PAX5: variants seen among roughly 807,000 people sequenced by gnomAD.
The protein encoded by PAX5 is paired box protein Pax-5.
A neutral mutation model predicts 43.7 loss-of-function variants in PAX5; 9 were observed. The observed-to-expected ratio is 0.21, with a 90% confidence interval of 0.12 to 0.36. PAX5 has a LOEUF of 0.36. Among genes scored for constraint, PAX5 ranks in the 10% least tolerant of loss-of-function variants. PAX5 has a pLI of 1.00. For synonymous variants in PAX5, 228 were observed against 214.3 expected, an observed-to-expected ratio of 1.06 and a Z score of -0.56; for missense variants, 383 against 532.7, an observed-to-expected ratio of 0.72 and a Z score of 2.77.
At chr9:36,994,641 G>C (rs532066979) in intron 5 of PAX5, among the ~76,000 whole-genome samples, 1 of 152,314 alleles carries the variant, frequency 6.6e-6, no homozygotes, top group African/African-American at 2.4e-5. Context: ...TTCAGGCCAA[G>C]GAAAACAGAG....
chr9:37,008,044 T>G (rs9408284), intron 3 of PAX5: 97,654 of 151,904 alleles, frequency 0.64, 31,803 homozygotes, highest in Middle Eastern at 0.84. Flanking sequence ...CATGCCCAGT[T>G]TTTTTGTTTT....
intron 6 of PAX5, among the ~76,000 whole-genome samples, chr9:36,964,935 A>G (rs994926485): frequency 3.3e-5 from 5 of 152,012 alleles, no homozygotes; most frequent in Non-Finnish European, 5.9e-5. Flanking sequence ...CCCCAGCATC[A>G]TCGCCCGCCC....
intron 6 of PAX5, among the ~76,000 whole-genome samples, chr9:36,951,940 C>T (rs1276349300): frequency 1.3e-5 from 2 of 152,170 alleles, no homozygotes; most frequent in Admixed American, 1.3e-4. Context: ...TATCTATCTT[C>T]CTCCTATGAA....
chr9:36,849,968 C>T (rs1822991142), intron 8 of PAX5, among the ~76,000 whole-genome samples: 1 of 151,502 alleles, frequency 6.6e-6, no homozygotes, highest in African/African-American at 2.4e-5. Flanking sequence ...CCATGAGATC[C>T]GGAGAAGCTA....
intron 5 of PAX5, among the ~76,000 whole-genome samples, chr9:36,988,300 C>A (rs1481136753): frequency 6.6e-6 from 1 of 152,062 alleles, no homozygotes; most frequent in Admixed American, 6.5e-5. Context: ...AGCATGAATT[C>A]CAGTTGGTAT....
intron 8 of PAX5, among the ~76,000 whole-genome samples, chr9:36,873,229 A>G (rs1022159483): frequency 5.9e-5 from 9 of 152,248 alleles, no homozygotes; most frequent in Admixed American, 3.9e-4. Flanking sequence ...TCTTAACATT[A>G]GCACATCAGG....
intron 5 of PAX5, among the ~76,000 whole-genome samples, chr9:36,968,845 G>T (rs999576360): frequency 6.6e-6 from 1 of 152,158 alleles, no homozygotes; most frequent in Admixed American, 6.5e-5. Context: ...CAGTCTATCT[G>T]CCCAGCAGTG....
In PAX5 at chr9:36,838,846, G is replaced by T. The variant is rs1821827567; in HGVS notation, c.*1714C>A. The T allele has an allele frequency of 4.3e-6, 1 of 233,332 alleles. No homozygotes were observed. The highest frequency in any genetic ancestry group is 8.5e-6 in the Non-Finnish European group (1 of 118,078). The allele number at this position is 233,332 out of a possible 1,614,324, so 14.5% of individuals were successfully genotyped here. A position where few individuals can be genotyped will look rare whatever the true frequency, so the allele number is the denominator to read the frequency against. ...CAGCCAAGGCTCAAAGAGGTGCAGG[G>T]TTTTGTCTGAGGTCCCACAGCAAAG... On this transcript the variant is annotated 3_prime_UTR_variant, in exon 10 of 10. Transcript: ENST00000358127.
chr9:36,993,795 T>A (rs1837132390), intron 5 of PAX5, among the ~76,000 whole-genome samples: 1 of 151,848 alleles, frequency 6.6e-6, no homozygotes, highest in Non-Finnish European at 1.5e-5. Context: ...TCCCCCTCCA[T>A]CGGCCCCACC....
At chr9:36,918,034 T>C (rs1288919628) in intron 7 of PAX5, among the ~76,000 whole-genome samples, 2 of 152,214 alleles carry the variant, frequency 1.3e-5, no homozygotes, top group Non-Finnish European at 2.9e-5. Context: ...GGCTGTTCCC[T>C]CATCTCTCTT....
intron 1 of PAX5, among the ~76,000 whole-genome samples, chr9:37,025,222 C>A (rs1439782913): frequency 6.6e-6 from 1 of 152,202 alleles, no homozygotes; most frequent in Non-Finnish European, 1.5e-5. Flanking sequence ...AGAAAATTGA[C>A]ACAAAGAGAA....
At position 36,891,390 on chromosome 9, in the gene PAX5, C is replaced by T. The variant is rs762024393; in HGVS notation, c.911-9285G>A. Among the ~76,000 whole-genome samples the T allele has an allele frequency of 6.6e-5, 10 of 152,224 alleles. No individual in the cohort carries two copies. In the East Asian group the frequency reaches 1.7e-3, roughly 26 times the overall value. ...CGTGGGGCGGGGATTCATCCTGCTA[C>T]GCACACGTCGGTGCGTGTGTACACG... On this transcript the variant is annotated intron_variant, in intron 7 of 9. Coordinates refer to ENST00000358127, the MANE Select transcript of PAX5 (RefSeq NM_016734.3).
At chr9:36,948,800 C>A (rs544492438) in intron 6 of PAX5, among the ~76,000 whole-genome samples, 1 of 151,930 alleles carries the variant, frequency 6.6e-6, no homozygotes, top group Non-Finnish European at 1.5e-5. Flanking sequence ...TGTCTCCCTG[C>A]GCAAACTCCC....
At position 36,837,798 on chromosome 9, in the gene PAX5, G is replaced by A; in HGVS notation, c.*2762C>T. 4.3e-6 allele frequency: 1 copy of A among 233,486 alleles called. No individual in the cohort carries two copies. Among genetic ancestry groups the A allele is most frequent in the Admixed American group, 5.6e-5 (1 of 17,814 alleles). 14.5% of individuals were successfully genotyped at this position (233,486 alleles called of 1,614,324 possible). ...AAAGGTATGGGGGGAGCTCATTACA[G>A]GGCAAGAAGAGGAACAGGATGGGGA... On this transcript the variant is annotated 3_prime_UTR_variant, in exon 10 of 10. Transcript: ENST00000358127.
intron 5 of PAX5, among the ~76,000 whole-genome samples, chr9:36,997,234 A>C (rs76336888): frequency 0.021 from 3,139 of 152,308 alleles, 37 homozygotes; most frequent in Middle Eastern, 0.037. Context: ...AAGGTAGTCC[A>C]GAGCCCAGAA....
intron 8 of PAX5, among the ~76,000 whole-genome samples, chr9:36,876,879 C>G (rs1004300182): frequency 3.2e-4 from 48 of 152,176 alleles, no homozygotes; most frequent in African/African-American, 1.0e-3. Context: ...AATCAGAAAT[C>G]AAGCTGAACA....
intron 5 of PAX5, among the ~76,000 whole-genome samples, chr9:36,986,358 GCGGCCGCGCCGGCGGGGGCAGCGC>G (rs1370257752): frequency 6.8e-6 from 1 of 147,486 alleles, no homozygotes; most frequent in East Asian, 2.0e-4. Context: ...GGGCCCCGCC[GCGGCCGCGCCGGCGGGGGCAGCGC>G]CGGCCGCCGA....
intron 1 of PAX5, among the ~76,000 whole-genome samples, chr9:37,027,089 T>A (rs1840463337): frequency 6.6e-6 from 1 of 152,200 alleles, no homozygotes; most frequent in African/African-American, 2.4e-5. Flanking sequence ...CTCCGCCAGA[T>A]CCTTTCTTTC....
intron 3 of PAX5, among the ~76,000 whole-genome samples, chr9:37,008,527 G>A (rs954465670): frequency 6.6e-6 from 1 of 152,176 alleles, no homozygotes; most frequent in African/African-American, 2.4e-5. Context: ...TAAACTCAAT[G>A]GGCAGTAGCC....
Sources: gnomAD v4.1 joint callset for allele counts (sites outside exome capture counted in the v4.1 genomes callset) on GRCh38, gnomAD v4.1.1 for gene constraint, MANE v1.5 for transcripts, NCBI Gene and HGNC (gene_info 2026-07-23, HGNC 2026-07-21) for gene names.